Variants in CDYL2 observed in about 807,000 individuals in gnomAD.
CDYL2 encodes the protein chromodomain Y like 2, also known as chromodomain Y-like protein 2.
CDYL2 carries 23 observed loss-of-function variants against 49.4 expected under a neutral mutation model. That is an observed-to-expected ratio of 0.47 (90% CI 0.34 to 0.66). CDYL2 has a LOEUF of 0.66. Ranked by LOEUF, CDYL2 falls within the 30% of genes least tolerant of loss-of-function variation. The pLI, the probability that CDYL2 is intolerant of heterozygous loss-of-function variation, is 0.01. For synonymous variants in CDYL2, 360 were observed against 268.8 expected, an observed-to-expected ratio of 1.34 and a Z score of -3.32; for missense variants, 678 against 656.4, an observed-to-expected ratio of 1.03 and a Z score of -0.36.
chr16:80,754,654 T>A (rs1224609443), intron 1 of CDYL2, among the ~76,000 whole-genome samples: 1 of 152,120 alleles, frequency 6.6e-6, no homozygotes, highest in African/African-American at 2.4e-5. Context: ...ACTTCCCTTA[T>A]CAGTAAAATG....
At chr16:80,623,098 G>T (rs949359524) in intron 3 of CDYL2, among the ~76,000 whole-genome samples, 8 of 152,188 alleles carry the variant, frequency 5.3e-5, no homozygotes, top group African/African-American at 1.9e-4. Context: ...TCTGCCCCAA[G>T]CACTTTCAAA....
chr16:80,636,262 T>C (rs1907819098), intron 2 of CDYL2, among the ~76,000 whole-genome samples: 1 of 151,858 alleles, frequency 6.6e-6, no homozygotes, highest in African/African-American at 2.4e-5. Context: ...ATCACGAGAG[T>C]GAACAGGCAA....
chr16:80,732,847 G>C (rs1056872645), intron 1 of CDYL2, among the ~76,000 whole-genome samples: 1 of 148,960 alleles, frequency 6.7e-6, no homozygotes, highest in African/African-American at 2.4e-5. Context: ...CTTTGGATTG[G>C]TTATAACCTC....
At chr16:80,639,315 G>A (rs1481022705) in intron 2 of CDYL2, among the ~76,000 whole-genome samples, 3 of 152,172 alleles carry the variant, frequency 2.0e-5, no homozygotes, top group African/African-American at 7.2e-5. Flanking sequence ...AGCTAAACTA[G>A]TCTTACCACA....
rs1007929801 is a variant in CDYL2 at position 80,734,327 on chromosome 16, T to C, written c.25-49198A>G. 4.6e-5 allele frequency among the ~76,000 whole-genome samples: 7 copies of C among 152,294 alleles called. No individual in the cohort carries two copies. The South Asian group carries it at 1.2e-3, about 27-fold the overall frequency. On this transcript the variant is annotated intron_variant, in intron 1 of 6. Transcript: ENST00000570137. ...ATGGAGTAGGACTTCGGGGTCATAA[T>C]CATCTTTGTGTCTGTACCATGAAGT...
chr16:80,638,855 T>A (rs1171736979), intron 2 of CDYL2, among the ~76,000 whole-genome samples: 3 of 152,120 alleles, frequency 2.0e-5, no homozygotes, highest in Non-Finnish European at 4.4e-5. Context: ...TAGACCTAAA[T>A]GTAAAATGCA....
In CDYL2 at chr16:80,628,541, G is replaced by C. The variant is rs188586029; in HGVS notation, c.834+4478C>G. Among the ~76,000 whole-genome samples the C allele has an allele frequency of 5.1e-3, 779 of 152,260 alleles. 3 individuals carry two copies. The highest frequency in any genetic ancestry group is 0.018 in the African/African-American group (731 of 41,564). ...GAGACTGCAGCCCCAGCCTCCACTT[G>C]ACAGCAGCCTTGTAAGAGACCTTGA... On this transcript the variant is annotated intron_variant, in intron 3 of 6. Coordinates refer to ENST00000570137, the MANE Select transcript of CDYL2 (RefSeq NM_152342.4).
chr16:80,768,609 C>T (rs1906806542), intron 1 of CDYL2, among the ~76,000 whole-genome samples: 1 of 152,128 alleles, frequency 6.6e-6, no homozygotes, highest in Non-Finnish European at 1.5e-5. Context: ...GGGTACTAAT[C>T]CCATCTATGT....
Position 80,757,507 on chromosome 16 carries a change from C to G in CDYL2, c.24+46643G>C, listed in dbSNP as rs189592603. 3.5e-3 allele frequency among the ~76,000 whole-genome samples: 514 copies of G among 148,348 alleles called. 3 individuals carry two copies. The highest frequency in any genetic ancestry group is 3.5e-3 in the Middle Eastern group (1 of 284). ...GTAAGCTTGATCATTCTACTGCATT[C>G]CAGCCTGAGTGACAGAGCAAGACTC... On this transcript the variant is annotated intron_variant, in intron 1 of 6. Coordinates refer to ENST00000570137, the MANE Select transcript of CDYL2 (RefSeq NM_152342.4).
chr16:80,611,069 C>T (rs573841862), intron 5 of CDYL2, among the ~76,000 whole-genome samples: 2 of 152,306 alleles, frequency 1.3e-5, no homozygotes, highest in East Asian at 3.9e-4. Flanking sequence ...CACTCCCTAC[C>T]CTGTTCTTCC....
At chr16:80,655,592 A>G (rs1908771619) in intron 2 of CDYL2, among the ~76,000 whole-genome samples, 1 of 152,192 alleles carries the variant, frequency 6.6e-6, no homozygotes, top group African/African-American at 2.4e-5. Flanking sequence ...GAGGGCCCTG[A>G]GGCCATCTTA....
intron 4 of CDYL2, among the ~76,000 whole-genome samples, chr16:80,613,971 G>C (rs528255727): frequency 6.6e-6 from 1 of 152,322 alleles, no homozygotes; most frequent in East Asian, 1.9e-4. Flanking sequence ...GCCTCTGAGA[G>C]TTCTCAGAAA....
intron 1 of CDYL2, among the ~76,000 whole-genome samples, chr16:80,793,104 G>A (rs918951374): frequency 6.6e-6 from 1 of 152,310 alleles, no homozygotes; most frequent in African/African-American, 2.4e-5. Context: ...TCTGGACACA[G>A]TTCTCCATTC....
intron 1 of CDYL2, among the ~76,000 whole-genome samples, chr16:80,749,739 T>A (rs1192398741): frequency 6.6e-6 from 1 of 151,830 alleles, no homozygotes; most frequent in African/African-American, 2.4e-5. Flanking sequence ...TTTAAAAAAA[T>A]TTAAAAAAAA....
intron 3 of CDYL2, chr16:80,632,674 T>C (rs1907618608): frequency 7.1e-6 from 2 of 281,786 alleles, no homozygotes; most frequent in South Asian, 5.3e-5. Flanking sequence ...GGCCAACAAA[T>C]ATGACATGCT....
At chr16:80,789,661 A>G (rs1907547966) in intron 1 of CDYL2, among the ~76,000 whole-genome samples, 1 of 152,210 alleles carries the variant, frequency 6.6e-6, no homozygotes, top group African/African-American at 2.4e-5. Context: ...CAAAGTCATG[A>G]AACCAATTTA....
At chr16:80,746,477 T>C (rs139804744) in intron 1 of CDYL2, among the ~76,000 whole-genome samples, 159 of 152,312 alleles carry the variant, frequency 1.0e-3, no homozygotes, top group African/African-American at 3.7e-3. Context: ...TCTGAGCAAT[T>C]TTCCTTGCAT....
At chr16:80,660,950 G>T (rs527400154) in intron 2 of CDYL2, among the ~76,000 whole-genome samples, 1 of 152,194 alleles carries the variant, frequency 6.6e-6, no homozygotes, top group East Asian at 1.9e-4. Context: ...CTGCCCCTGA[G>T]CTAGGGGTAA....
At chr16:80,750,792 G>C (rs1228835482) in intron 1 of CDYL2, among the ~76,000 whole-genome samples, 1 of 152,192 alleles carries the variant, frequency 6.6e-6, no homozygotes, top group African/African-American at 2.4e-5. Flanking sequence ...GGCCGAGGCA[G>C]GCGGATCACG....
Sources: allele counts gnomAD v4.1 joint callset (sites outside exome capture counted in the v4.1 genomes callset), GRCh38; gene constraint gnomAD v4.1.1; transcripts MANE v1.5; gene names NCBI Gene and HGNC (gene_info 2026-07-23, HGNC 2026-07-21).